PPP3CB: variants seen among roughly 807,000 people sequenced by gnomAD.
The protein encoded by PPP3CB is protein phosphatase 3 catalytic subunit beta, also known as serine/threonine-protein phosphatase 2B catalytic subunit beta isoform.
In PPP3CB, 8 loss-of-function variants were observed where a neutral mutation model predicts 66.4. That is an observed-to-expected ratio of 0.12 (90% CI 0.07 to 0.22). The LOEUF is 0.22. Ranked by LOEUF, PPP3CB falls within the 10% of genes least tolerant of loss-of-function variation. The probability of loss-of-function intolerance (pLI) is 1.00; values close to 1 mark genes in which losing one functional copy is unlikely to be tolerated. For missense variants in PPP3CB, 319 were observed against 642.5 expected (o/e 0.50, Z 5.44); for synonymous variants, 208 against 221.2 (o/e 0.94, Z 0.53).
intron 5 of PPP3CB, 25 bp downstream of exon 5, chr10:73,471,443 T>C: frequency 1.9e-6 from 3 of 1,576,548 alleles, no homozygotes; most frequent in Non-Finnish European, 1.7e-6. Context: ...TAGAAATCAA[T>C]CTCGGAAGTA....
intron 9 of PPP3CB, 111 bp downstream of exon 9, chr10:73,467,442 C>G: frequency 1.2e-6 from 1 of 852,782 alleles, no homozygotes; most frequent in Non-Finnish European, 1.7e-6. Context: ...AGAGCTGTAA[C>G]CACAGTGAAA....
At chr10:73,443,282 A>AAGACAGACAGACAGAC (rs1286657975) in intron 12 of PPP3CB, among the ~76,000 whole-genome samples, 63 of 112,586 alleles carry the variant, frequency 5.6e-4, no homozygotes, top group African/African-American at 2.0e-3. Context: ...GAAAGAAAGA[A>AAGACAGACAGACAGAC]AGACAGAAAG....
At chr10:73,483,244 A>T (rs887536578) in intron 1 of PPP3CB, among the ~76,000 whole-genome samples, 1 of 152,262 alleles carries the variant, frequency 6.6e-6, no homozygotes, top group Non-Finnish European at 1.5e-5. Flanking sequence ...CAGCTTTTTT[A>T]AAATGTGTAC....
rs902046293 is a variant in PPP3CB at position 73,446,593 on chromosome 10, T to C, written c.1187-20A>G. 11 of 1,606,292 alleles carry C rather than the reference T, an allele frequency of 6.8e-6. No homozygotes were observed. The highest frequency in any genetic ancestry group is 2.2e-5 in the East Asian group (1 of 44,856). On this transcript the variant is annotated intron_variant, in intron 10 of 13. Transcript: ENST00000360663. ...CTGAACCTACTTTCAATGGAATAAA[T>C]AGAGAGAAAGGCTCAAGTTTAGGGC...
At chr10:73,475,417 C>G (rs978650292) in intron 3 of PPP3CB, among the ~76,000 whole-genome samples, 3 of 152,316 alleles carry the variant, frequency 2.0e-5, no homozygotes, top group African/African-American at 7.2e-5. Context: ...ATGTGAAGCA[C>G]TATATAATTC....
intron 1 of PPP3CB, among the ~76,000 whole-genome samples, chr10:73,484,669 G>A (rs529477174): frequency 6.6e-6 from 1 of 152,014 alleles, no homozygotes; most frequent in South Asian, 2.1e-4. Context: ...ATTTGCGACA[G>A]GGAAAAACCA....
intron 1 of PPP3CB, among the ~76,000 whole-genome samples, chr10:73,481,863 C>T (rs1429239463): frequency 6.6e-6 from 1 of 151,358 alleles, no homozygotes; most frequent in African/African-American, 2.4e-5. Context: ...TTTCCCTTCA[C>T]AAGAAACATG....
At chr10:73,470,050 T>C (rs2056678605) in intron 8 of PPP3CB, among the ~76,000 whole-genome samples, 1 of 152,022 alleles carries the variant, frequency 6.6e-6, no homozygotes, top group Non-Finnish European at 1.5e-5. Context: ...CAAAATAAAA[T>C]GAAATCCAAT....
rs114249892 is a variant in PPP3CB at position 73,488,588 on chromosome 10, A to T, written c.85+7217T>A. ...AAAAAAAAAAGCCTCATCATGAAGA[A>T]TGATATAACCATTTGCTTGCCAGGA... On this transcript the variant is annotated intron_variant, in intron 1 of 13. Transcript: ENST00000360663. Among the ~76,000 whole-genome samples the T allele has an allele frequency of 1.7e-3, 253 of 151,960 alleles. 1 individual carries two copies. Among genetic ancestry groups the T allele is most frequent in the African/African-American group, 5.9e-3 (244 of 41,470 alleles).
At chr10:73,444,127 C>T (rs1407787215) in intron 12 of PPP3CB, 1 of 154,072 alleles carries the variant, frequency 6.5e-6, no homozygotes, top group African/African-American at 2.4e-5. Context: ...ATGTTACAGA[C>T]AGTTAATTAT....
chr10:73,467,427 C>A, intron 9 of PPP3CB, 126 bp downstream of exon 9: 1 of 717,148 alleles, frequency 1.4e-6, no homozygotes, highest in Non-Finnish European at 2.1e-6. Context: ...CCCACTGACA[C>A]AAGGAGAGCT....
At position 73,494,635 on chromosome 10, in the gene PPP3CB, T is replaced by C. The variant is rs1050713260; in HGVS notation, c.85+1170A>G. Among the ~76,000 whole-genome samples the C allele has an allele frequency of 2.0e-5, 3 of 151,558 alleles. No individual in the cohort carries two copies. The East Asian group carries it at 5.8e-4, about 29-fold the overall frequency. On this transcript the variant is annotated intron_variant, in intron 1 of 13. Transcript: ENST00000360663. ...TTTTAAGAACCGAAGAAGGCTCAGGTTGAAAATTTTTAATTAAAAAAAAAA... is the reference window on the plus strand; with the variant it reads ...TTTTAAGAACCGAAGAAGGCTCAGGCTGAAAATTTTTAATTAAAAAAAAAA...
chr10:73,480,118 G>A (rs536160772), intron 1 of PPP3CB, among the ~76,000 whole-genome samples: 103 of 152,262 alleles, frequency 6.8e-4, no homozygotes, highest in African/African-American at 2.3e-3. Context: ...TGACCAACTT[G>A]ACTATACACT....
At chr10:73,477,373 G>T (rs573915259) in intron 3 of PPP3CB, among the ~76,000 whole-genome samples, 20 of 152,122 alleles carry the variant, frequency 1.3e-4, no homozygotes, top group Admixed American at 1.3e-3. Context: ...AAAAAACTGG[G>T]AACATCTTCA....
At chr10:73,452,533 TAAAA>T (rs2056363583) in intron 10 of PPP3CB, among the ~76,000 whole-genome samples, 1 of 151,914 alleles carries the variant, frequency 6.6e-6, no homozygotes, top group African/African-American at 2.4e-5. Context: ...CCATCTCTAC[TAAAA>T]ATACAAAAAT....
intron 2 of PPP3CB, among the ~76,000 whole-genome samples, chr10:73,478,978 C>A (rs2056833138): frequency 6.6e-6 from 1 of 152,180 alleles, no homozygotes; most frequent in Non-Finnish European, 1.5e-5. Flanking sequence ...CTGTTGCTCT[C>A]TAAATGGTCA....
At position 73,464,884 on chromosome 10, in the gene PPP3CB, T is replaced by C. The variant is rs545055763; in HGVS notation, c.1108+2669A>G. ...GGATGGACGTTGCAGTGAGCTGAGA[T>C]TGTGCCTGGGCAATAGAATGAGACT... On this transcript the variant is annotated intron_variant, in intron 9 of 13. Coordinates refer to ENST00000360663, the MANE Select transcript of PPP3CB (RefSeq NM_021132.4). 5.3e-5 allele frequency among the ~76,000 whole-genome samples: 8 copies of C among 151,892 alleles called. No individual in the cohort carries two copies. The East Asian group carries it at 1.4e-3, about 26-fold the overall frequency.
At chr10:73,479,579 T>C (rs1448994806) in intron 1 of PPP3CB, 62 bp from the exon 2 acceptor site, 1 of 1,463,404 alleles carries the variant, frequency 6.8e-7, no homozygotes, top group Non-Finnish European at 9.4e-7. Context: ...TAAAAACTAA[T>C]AATTGGATCT....
At position 73,470,246 on chromosome 10, in the gene PPP3CB, A is replaced by G. The variant is rs1045245482; in HGVS notation, c.982+441T>C. Among the ~76,000 whole-genome samples the G allele has an allele frequency of 2.0e-5, 3 of 152,336 alleles. No homozygotes were observed. In the South Asian group the frequency reaches 6.2e-4, roughly 32 times the overall value. ...GCAGTGATAAGACTGTGGAGGTAAAAGAAGGAAATAAGAAAGGGAAAGAGA... is the reference window on the plus strand; with the variant it reads ...GCAGTGATAAGACTGTGGAGGTAAAGGAAGGAAATAAGAAAGGGAAAGAGA... On this transcript the variant is annotated intron_variant, in intron 8 of 13. Coordinates refer to ENST00000360663, the MANE Select transcript of PPP3CB (RefSeq NM_021132.4).
Sources: allele counts gnomAD v4.1 joint callset (sites outside exome capture counted in the v4.1 genomes callset), GRCh38; gene constraint gnomAD v4.1.1; transcripts MANE v1.5; gene names NCBI Gene and HGNC (gene_info 2026-07-23, HGNC 2026-07-21).